The following ARB2A variants were observed in gnomAD, a reference collection of about 807,000 sequenced individuals.
ARB2A encodes ARB2 cotranscriptional regulator A.
chr5:93,828,677 G>A, the ARB2A span, among the ~76,000 whole-genome samples: 1 of 152,150 alleles, frequency 6.6e-6, no homozygotes, highest in African/African-American at 2.4e-5. Context: ...AGAATAACCT[G>A]TCAAGAATGC....
At chr5:94,107,252 C>A in the ARB2A span, among the ~76,000 whole-genome samples, 4 of 152,000 alleles carry the variant, frequency 2.6e-5, no homozygotes, top group Non-Finnish European at 5.9e-5. Context: ...CAAATGGAGA[C>A]AACAAACAAT....
the ARB2A span, chr5:93,824,225 G>T: frequency 6.3e-7 from 1 of 1,591,676 alleles, no homozygotes; most frequent in Non-Finnish European, 8.6e-7. Flanking sequence ...GCTATGAAAT[G>T]ATCCCAAACA....
chr5:93,853,543 C>A, the ARB2A span, among the ~76,000 whole-genome samples: 10 of 151,816 alleles, frequency 6.6e-5, no homozygotes, highest in Non-Finnish European at 1.0e-4. Context: ...GCCAGTTTTC[C>A]AAGGGAATGC....
the ARB2A span, among the ~76,000 whole-genome samples, chr5:93,804,482 C>T: frequency 2.0e-5 from 3 of 151,828 alleles, no homozygotes; most frequent in South Asian, 6.2e-4. Context: ...GATGATATAA[C>T]TGTATTATAC....
At chr5:93,700,462 T>C in the ARB2A span, among the ~76,000 whole-genome samples, 7 of 152,126 alleles carry the variant, frequency 4.6e-5, no homozygotes, top group South Asian at 6.2e-4. Context: ...TAATGGTAGT[T>C]ATAATGATAA....
At chr5:93,859,922 A>G in the ARB2A span, among the ~76,000 whole-genome samples, 1 of 152,246 alleles carries the variant, frequency 6.6e-6, no homozygotes, top group South Asian at 2.1e-4. Context: ...AAGCTGACCC[A>G]ACAATTCTAC....
the ARB2A span, among the ~76,000 whole-genome samples, chr5:93,917,333 T>A: frequency 6.6e-6 from 1 of 152,174 alleles, no homozygotes; most frequent in Non-Finnish European, 1.5e-5. Flanking sequence ...GAAAATGGAT[T>A]CAGGAAGATC....
At chr5:93,872,335 A>C in the ARB2A span, among the ~76,000 whole-genome samples, 10 of 152,308 alleles carry the variant, frequency 6.6e-5, no homozygotes, top group East Asian at 1.9e-3. Flanking sequence ...TTATAGATGT[A>C]GGAACTGAAA....
At chr5:93,686,437 A>G in the ARB2A span, among the ~76,000 whole-genome samples, 1 of 152,180 alleles carries the variant, frequency 6.6e-6, no homozygotes, top group Admixed American at 6.5e-5. Context: ...CATTCTTTTG[A>G]AACAATAAAT....
chr5:93,943,652 T>A, the ARB2A span, among the ~76,000 whole-genome samples: 1 of 152,210 alleles, frequency 6.6e-6, no homozygotes. Context: ...TGTCAAATAC[T>A]TATGCTGAAA....
chr5:93,980,468 T>G, the ARB2A span, among the ~76,000 whole-genome samples: 494 of 152,340 alleles, frequency 3.2e-3, 4 homozygotes, highest in African/African-American at 0.011. Flanking sequence ...GGACTCAATG[T>G]AGTTCCTGAA....
chr5:93,770,384 T>A, the ARB2A span, among the ~76,000 whole-genome samples: 313 of 152,286 alleles, frequency 2.1e-3, 1 homozygote, highest in Non-Finnish European at 3.8e-3. Flanking sequence ...GCATTCCCTT[T>A]GAAAACTGGC....
At chr5:93,627,419 C>G in the ARB2A span, among the ~76,000 whole-genome samples, 3 of 151,536 alleles carry the variant, frequency 2.0e-5, no homozygotes, top group African/African-American at 7.3e-5. Context: ...TCTCTGGCAC[C>G]TACAGCCTTA....
chr5:93,640,575 T>C, the ARB2A span, among the ~76,000 whole-genome samples: 1 of 84,762 alleles, frequency 1.2e-5, no homozygotes, highest in Non-Finnish European at 2.4e-5. Flanking sequence ...TGTGTGTGTA[T>C]GTGTGTGTGT....
the ARB2A span, among the ~76,000 whole-genome samples, chr5:93,700,684 C>A: frequency 6.6e-6 from 1 of 152,166 alleles, no homozygotes; most frequent in South Asian, 2.1e-4. Context: ...CAAAATGCAA[C>A]AGTTGTGATT....
At chr5:93,933,274 C>T in the ARB2A span, among the ~76,000 whole-genome samples, 1 of 152,154 alleles carries the variant, frequency 6.6e-6, no homozygotes, top group Non-Finnish European at 1.5e-5. Context: ...ACCAGGAATA[C>T]CATTTTACCC....
At chr5:93,827,551 G>A in the ARB2A span, among the ~76,000 whole-genome samples, 1 of 152,102 alleles carries the variant, frequency 6.6e-6, no homozygotes, top group South Asian at 2.1e-4. Context: ...TAGGTTGTCT[G>A]TTCACTCTGA....
the ARB2A span, among the ~76,000 whole-genome samples, chr5:94,087,724 T>A: frequency 3.9e-5 from 6 of 152,220 alleles, no homozygotes; most frequent in Admixed American, 3.3e-4. Flanking sequence ...GTTCCTTTTT[T>A]AAAAATATTT....
chr5:94,001,661 GT>G, the ARB2A span, among the ~76,000 whole-genome samples: 1 of 151,518 alleles, frequency 6.6e-6, no homozygotes, highest in African/African-American at 2.4e-5. Context: ...ACTTTTTTTT[GT>G]TCTTTCTTAG....
Sources: allele counts gnomAD v4.1 joint callset (sites outside exome capture counted in the v4.1 genomes callset), GRCh38; gene constraint gnomAD v4.1.1; transcripts MANE v1.5; gene names NCBI Gene and HGNC (gene_info 2026-07-23, HGNC 2026-07-21).